Variants in SH2B1 observed in about 807,000 individuals in gnomAD.
SH2B1 encodes the protein SH2B adapter protein 1.
A neutral mutation model predicts 62.6 loss-of-function variants in SH2B1; 15 were observed. The observed-to-expected ratio is 0.24, with a 90% confidence interval of 0.16 to 0.37. The LOEUF is 0.37. Among genes scored for constraint, SH2B1 ranks in the 10% least tolerant of loss-of-function variants. The pLI is 1.00. For missense variants in SH2B1, 925 were observed against 1,015.6 expected (o/e 0.91, Z 1.21); for synonymous variants, 443 against 438.0 (o/e 1.01, Z -0.14).
At chr16:28,871,404 A>G (rs1489250648) in intron 4 of SH2B1, among the ~76,000 whole-genome samples, 1 of 152,156 alleles carries the variant, frequency 6.6e-6, no homozygotes, top group Non-Finnish European at 1.5e-5. Context: ...TGGGCAGATC[A>G]CTTGAGTCCA....
chr16:28,857,975 G>A lies in SH2B1; in HGVS notation c.-300-3643G>A, dbSNP rs1238240874. On this transcript the variant is annotated intron_variant, in intron 1 of 10. Transcript: ENST00000322610. ...AGGATGGTCTCGATCTCCTGACCTC[G>A]TGATCCGCCCACCTCAGCCTCCCAA... Among the ~76,000 whole-genome samples, 4 of 151,848 alleles carry A rather than the reference G, an allele frequency of 2.6e-5. No individual in the cohort carries two copies. The East Asian group carries it at 5.8e-4, about 22-fold the overall frequency.
In SH2B1 at chr16:28,874,099, C is replaced by T. The variant is rs1312548771; in HGVS notation, c.*279C>T. The T allele has an allele frequency of 1.1e-5, 4 of 359,870 alleles. No homozygotes were observed. Among genetic ancestry groups the T allele is most frequent in the Admixed American group, 4.7e-5 (1 of 21,482 alleles). 22.3% of individuals were successfully genotyped at this position (359,870 alleles called of 1,614,324 possible). A position where few individuals can be genotyped will look rare whatever the true frequency, so the allele number is the denominator to read the frequency against. On this transcript the variant is annotated 3_prime_UTR_variant, in exon 8 of 8. Coordinates refer to ENST00000684370, the MANE Select transcript of SH2B1 (RefSeq NM_001387430.1). ...ATTTCCCCATTAACTACCCCCAGCC[C>T]GAGGCAGGGTGAGGGGGAAGGGCTG...
At position 28,864,334 on chromosome 16, in the gene SH2B1, G is replaced by A; in HGVS notation, c.-1761G>A. On this transcript the variant is annotated 5_prime_UTR_variant, in exon 1 of 8. Transcript: ENST00000684370. ...AAACTGAGTCACCAGCTTAGGAGTCGCAGGGTCAGCGGGCCTGAAGGGGGC... is the reference window on the plus strand; with the variant it reads ...AAACTGAGTCACCAGCTTAGGAGTCACAGGGTCAGCGGGCCTGAAGGGGGC... 2 of 993,404 alleles carry A rather than the reference G, an allele frequency of 2.0e-6. No homozygotes were observed. The highest frequency in any genetic ancestry group is 5.9e-5 in the Admixed American group (1 of 16,830). The allele number at this position is 993,404 out of a possible 1,614,324, so 61.5% of individuals were successfully genotyped here.
At chr16:28,854,589 C>G (rs1192994102) in intron 1 of SH2B1, among the ~76,000 whole-genome samples, 3 of 152,152 alleles carry the variant, frequency 2.0e-5, no homozygotes, top group African/African-American at 7.2e-5. Flanking sequence ...GAACCCGTCT[C>G]TACAAGAAAT....
chr16:28,863,396 C>T (rs575976387), upstream of SH2B1: 1 of 378,756 alleles, frequency 2.6e-6, no homozygotes, highest in East Asian at 5.0e-5. Context: ...TCACCCGCTT[C>T]TTTCCTCGCT....
rs1555510483 is a variant in SH2B1, at chr16:28,855,647, A to ATTTAT, written c.-300-5968_-300-5967insATTTT. On this transcript the variant is annotated intron_variant, in intron 1 of 10. Coordinates refer to the SH2B1 transcript ENST00000322610. The stretch of plus-strand genomic sequence containing the variant: ...TAAGAACTTATTTATTTATTTATTT[A>ATTTAT]TTTTTTTTTTGAGACAGAGTCTTGT... Among the ~76,000 whole-genome samples, 100 of 145,082 alleles carry ATTTAT rather than the reference A, an allele frequency of 6.9e-4. 3 individuals are homozygous for ATTTAT. In the East Asian group the frequency reaches 0.013, roughly 19 times the overall value.
intron 1 of SH2B1, among the ~76,000 whole-genome samples, chr16:28,853,238 T>TAC (rs1962248048): frequency 6.9e-6 from 1 of 144,390 alleles, no homozygotes; most frequent in Non-Finnish European, 1.5e-5. Flanking sequence ...AATATATATA[T>TAC]ATATATGCAC....
intron 1 of SH2B1, among the ~76,000 whole-genome samples, chr16:28,855,777 C>G (rs1962309202): frequency 6.8e-6 from 1 of 147,890 alleles, no homozygotes; most frequent in Non-Finnish European, 1.5e-5. Flanking sequence ...GTAGCTGGGA[C>G]TACAGGCGCC....
intron 2 of SH2B1, among the ~76,000 whole-genome samples, chr16:28,867,856 C>G (rs969000106): frequency 4.6e-5 from 7 of 152,162 alleles, no homozygotes; most frequent in African/African-American, 1.7e-4. Flanking sequence ...TGAGATAGAG[C>G]CTTGCTCTGC....
intron 2 of SH2B1, among the ~76,000 whole-genome samples, chr16:28,868,622 G>C (rs1330786119): frequency 2.0e-5 from 3 of 152,022 alleles, no homozygotes; most frequent in African/African-American, 7.2e-5. Context: ...ACCACGCCTG[G>C]CTAATTTTTG....
Position 28,873,864 on chromosome 16 carries a change from C to T in SH2B1, c.*44C>T. Reference sequence around the variant, plus strand: ...ACCCTTTTTAAACCCCCCAGCCCTGCTCGTGAGATTGGGCTGGGTAGGGAC... The same window carrying T: ...ACCCTTTTTAAACCCCCCAGCCCTGTTCGTGAGATTGGGCTGGGTAGGGAC... On this transcript the variant is annotated 3_prime_UTR_variant, in exon 8 of 8. Coordinates refer to ENST00000684370, the MANE Select transcript of SH2B1 (RefSeq NM_001387430.1). This position sits in a 1 kb window ranked among gnomAD's most constrained non-coding sequence, Gnocchi z 4.2. The T allele has an allele frequency of 7.2e-7, 1 of 1,390,274 alleles. No individual in the cohort carries two copies. The highest frequency in any genetic ancestry group is 9.3e-7 in the Non-Finnish European group (1 of 1,075,630). 86.1% of individuals were successfully genotyped at this position (1,390,274 alleles called of 1,614,324 possible). A position where few individuals can be genotyped will look rare whatever the true frequency, so the allele number is the denominator to read the frequency against.
Position 28,872,205 on chromosome 16 carries a change from A to C in SH2B1, c.1529A>C (p.Gln510Pro), listed in dbSNP as rs1963083094. 6.2e-7 allele frequency: 1 copy of C among 1,613,060 alleles called. No individual in the cohort carries two copies. The highest frequency in any genetic ancestry group is 2.2e-5 in the East Asian group (1 of 44,862). ...CTTCCTGAAGGGTCCTTCCTGTTCC[A>C]GGGGGAGCCAGAGGGCGGTGAGGGG... ...PETATGSFLF[Q>P]GEPEGGEGDQ... The change falls in exon 6 of 8, where the codon CAG becomes CCG. Residue 510 changes from glutamine (Q) to proline (P), a missense_variant. By Grantham distance (76) the Gln-to-Pro change is moderately conservative. Coordinates refer to ENST00000684370, the MANE Select transcript of SH2B1 (RefSeq NM_001387430.1). This position sits in a 1 kb window ranked among gnomAD's most constrained non-coding sequence, Gnocchi z 5.3.
In SH2B1 at chr16:28,864,047, G is replaced by C; in HGVS notation, c.-2048G>C. The C allele has an allele frequency of 2.8e-5, 39 of 1,375,366 alleles. No individual in the cohort carries two copies. Among genetic ancestry groups the C allele is most frequent in the Non-Finnish European group, 3.6e-5 (38 of 1,062,498 alleles). 85.2% of individuals were successfully genotyped at this position (1,375,366 alleles called of 1,614,324 possible). ...TCCTGGGTGGGGGTGGGCGTGGAGG[G>C]CCGGGGGCTGGAGAGGCACTCGGCC... On this transcript the variant is annotated 5_prime_UTR_variant, in exon 1 of 8. Transcript: ENST00000684370.
At chr16:28,848,751 A>G (rs1962039181) in intron 1 of SH2B1, among the ~76,000 whole-genome samples, 1 of 145,724 alleles carries the variant, frequency 6.9e-6, no homozygotes, top group South Asian at 2.2e-4. Context: ...GGCTCACTGC[A>G]ACCTCCATCT....
At chr16:28,861,863 G>C (rs1305295651), upstream of SH2B1, 1 of 152,258 alleles carries the variant, frequency 6.6e-6, no homozygotes, top group Non-Finnish European at 1.5e-5. Flanking sequence ...GGGAATCTCA[G>C]AAAAGAGGCA....
intron 1 of SH2B1, among the ~76,000 whole-genome samples, chr16:28,856,069 G>A (rs1184778448): frequency 6.9e-6 from 1 of 145,550 alleles, no homozygotes; most frequent in Non-Finnish European, 1.5e-5. Flanking sequence ...GAGGTCAGGA[G>A]TTAAAGACCA....
chr16:28,852,836 A>ATTTATG (rs1567459288), intron 1 of SH2B1, among the ~76,000 whole-genome samples: 2 of 76,234 alleles, frequency 2.6e-5, no homozygotes, highest in African/African-American at 5.2e-5. Context: ...ATTTATATAT[A>ATTTATG]TATACATATA....
chr16:28,852,328 TTACATATATATTTACATATATATTTA>T (rs1962132506), intron 1 of SH2B1, among the ~76,000 whole-genome samples: 1 of 73,054 alleles, frequency 1.4e-5, no homozygotes, highest in African/African-American at 6.4e-5. Flanking sequence ...ATATATATAT[TTACATATATATTTACATATATATTTA>T]TATATATATT....
At position 28,864,449 on chromosome 16, in the gene SH2B1, T is replaced by C. The variant is rs1040016716; in HGVS notation, c.-1646T>C. ...GATTGGTTTGCACTTCTTGGCTGGG[T>C]TCCCCCGTGCTCCATGACTCCTGCA... On this transcript the variant is annotated 5_prime_UTR_variant, in exon 1 of 8. Transcript: ENST00000684370. The C allele has an allele frequency of 3.0e-6, 3 of 986,332 alleles. No individual in the cohort carries two copies. The African/African-American group carries it at 5.2e-5, about 17-fold the overall frequency. The allele number at this position is 986,332 out of a possible 1,614,324, so 61.1% of individuals were successfully genotyped here. A position where few individuals can be genotyped will look rare whatever the true frequency, so the allele number is the denominator to read the frequency against.
Sources: gnomAD v4.1 joint callset for allele counts (sites outside exome capture counted in the v4.1 genomes callset) on GRCh38, gnomAD v4.1.1 for gene constraint, Gnocchi (gnomAD v3.1) non-coding constraint, MANE v1.5 for transcripts, NCBI Gene and HGNC (gene_info 2026-07-23, HGNC 2026-07-21) for gene names.